ESYT2: variants seen among roughly 807,000 people sequenced by gnomAD.
ESYT2 encodes extended synaptotagmin 2.
Under a neutral mutation model 107.2 loss-of-function variants are expected in ESYT2, and 54 were observed. The observed-to-expected ratio is 0.50, with a 90% CI of 0.40 to 0.63. The LOEUF is 0.63. ESYT2 is among the 30% of genes least tolerant of loss of function. The pLI is 0.00. For missense variants in ESYT2, 1,020 were observed against 1,094.5 expected, an observed-to-expected ratio of 0.93 and a Z score of 0.96; for synonymous variants, 491 against 434.1, an observed-to-expected ratio of 1.13 and a Z score of -1.63.
intron 13 of ESYT2, among the ~76,000 whole-genome samples, chr7:158,755,818 GA>G (rs1837735095): frequency 6.6e-6 from 1 of 152,004 alleles, no homozygotes; most frequent in African/African-American, 2.4e-5. Flanking sequence ...TTCTTCCAAT[GA>G]GATCACTTGG....
At chr7:158,798,879 G>A (rs2129473568) in intron 2 of ESYT2, 152 bp downstream of exon 2, 2 of 651,908 alleles carry the variant, frequency 3.1e-6, no homozygotes, top group East Asian at 5.3e-5. Flanking sequence ...AAATGCATTT[G>A]TTGTGACTGA....
At chr7:158,741,996 A>C in intron 17 of ESYT2, 100 bp from the exon 18 acceptor site, 1 of 1,413,254 alleles carries the variant, frequency 7.1e-7, no homozygotes, top group South Asian at 1.5e-5. Context: ...AATTTCTTTA[A>C]AACTTAGCTC....
chr7:158,781,038 GA>G (rs1194208613), intron 6 of ESYT2, among the ~76,000 whole-genome samples: 1 of 152,242 alleles, frequency 6.6e-6, no homozygotes, highest in Non-Finnish European at 1.5e-5. Flanking sequence ...AAATAAGTGT[GA>G]GAATATGTGA....
intron 8 of ESYT2, among the ~76,000 whole-genome samples, chr7:158,766,055 G>C (rs1021588458): frequency 1.3e-5 from 2 of 152,068 alleles, no homozygotes; most frequent in African/African-American, 4.8e-5. Context: ...AAATTAGCCA[G>C]GTGTGGTGGC....
At chr7:158,765,764 C>A (rs576512113) in intron 8 of ESYT2, among the ~76,000 whole-genome samples, 33 of 151,790 alleles carry the variant, frequency 2.2e-4, no homozygotes, top group African/African-American at 6.3e-4. Flanking sequence ...AACAAAAAAA[C>A]CAAATATAGT....
Position 158,741,885 on chromosome 7 carries a change from G to C in ESYT2, c.1806C>G (p.Leu602=), listed in dbSNP as rs780677876. 2 of 1,603,652 alleles carry C rather than the reference G, an allele frequency of 1.2e-6. No individual in the cohort carries two copies. The highest frequency in any genetic ancestry group is 2.7e-5 in the African/African-American group (2 of 74,400). Residue 602 remains leucine, a synonymous_variant, in exon 18 of 23, where the codon CTC becomes CTG. Transcript: ENST00000275418. The part of the protein sequence containing the change: ...KMKIALRVLH[L]EKRERPPDHQ... ...GGTCTGGAGGCCTTTCTCGCTTTTC[G>C]AGATGGAGCACCTAGAGGTGGACAT...
intron 1 of ESYT2, among the ~76,000 whole-genome samples, chr7:158,809,811 C>G (rs1839944910): frequency 6.6e-6 from 1 of 152,176 alleles, no homozygotes. Context: ...GCCAGCTGTT[C>G]AAACCACATC....
intron 19 of ESYT2, among the ~76,000 whole-genome samples, chr7:158,737,865 A>G (rs935786476): frequency 5.3e-5 from 8 of 152,246 alleles, no homozygotes; most frequent in African/African-American, 1.9e-4. Flanking sequence ...AAAATTGCAT[A>G]AAAGGAAAAT....
At chr7:158,758,226 T>A (rs1012525192) in intron 13 of ESYT2, among the ~76,000 whole-genome samples, 1 of 152,234 alleles carries the variant, frequency 6.6e-6, no homozygotes, top group African/African-American at 2.4e-5. Context: ...ATATAAGTGA[T>A]CAATCATATC....
At position 158,737,015 on chromosome 7, in the gene ESYT2, G is replaced by A. The variant is rs777662766; in HGVS notation, c.2399+33C>T. 13 of 1,609,298 alleles carry A rather than the reference G, an allele frequency of 8.1e-6. No homozygotes were observed. In the African/African-American group the frequency reaches 1.3e-4, roughly 17 times the overall value. ...CTTCTTAATCCGTCACTTCAACCGG[G>A]CAGTCTATCCTCAGCTGGATAAAAT... On this transcript the variant is annotated intron_variant, in intron 20 of 22. Coordinates refer to ENST00000275418, the MANE Select transcript of ESYT2 (RefSeq NM_001367773.1).
intron 3 of ESYT2, among the ~76,000 whole-genome samples, chr7:158,796,869 G>GCACT (rs1162969339): frequency 2.6e-5 from 4 of 151,244 alleles, no homozygotes; most frequent in Admixed American, 1.3e-4. Context: ...ACAGGAAAGG[G>GCACT]CACTGCAGGC....
At chr7:158,785,637 T>C (rs1350946068) in intron 6 of ESYT2, among the ~76,000 whole-genome samples, 1 of 152,142 alleles carries the variant, frequency 6.6e-6, no homozygotes, top group Non-Finnish European at 1.5e-5. Context: ...CCTGACATGT[T>C]ACAGATGGGA....
intron 6 of ESYT2, among the ~76,000 whole-genome samples, chr7:158,782,803 CGTGT>C (rs1838958909): frequency 1.3e-5 from 2 of 151,854 alleles, no homozygotes; most frequent in Admixed American, 1.3e-4. Flanking sequence ...AGAATGAAAC[CGTGT>C]GAGAACAAGT....
rs1584864658 is a variant in ESYT2, at chr7:158,797,971, T to C, written c.478A>G (p.Ser160Gly). The stretch of plus-strand genomic sequence containing the variant: ...TGGCCCACGTCGACCTTCGTGAAAC[T>C]AAAGGTGCTAAGGTGGGTGTTTGCT... ...RGANTHLSTF[S>G]FTKVDVGQQP... Residue 160 changes from serine (S) to glycine (G), a missense_variant, in exon 3 of 23, where the codon AGT becomes GGT. Ser to Gly is a moderately conservative substitution (Grantham distance 56). Coordinates refer to ENST00000275418, the MANE Select transcript of ESYT2 (RefSeq NM_001367773.1). 1 of 1,613,896 alleles carries C rather than the reference T, an allele frequency of 6.2e-7. No homozygotes were observed. The highest frequency in any genetic ancestry group is 8.5e-7 in the Non-Finnish European group (1 of 1,179,928).
intron 7 of ESYT2, among the ~76,000 whole-genome samples, chr7:158,772,940 G>A (rs1350755273): frequency 6.7e-6 from 1 of 149,776 alleles, no homozygotes; most frequent in African/African-American, 2.5e-5. Flanking sequence ...ATAGGCTGGA[G>A]AGACCCTGGA....
At chr7:158,737,229 A>G (rs1836993541) in intron 19 of ESYT2, 50 bp from the exon 20 acceptor site, 1 of 1,585,704 alleles carries the variant, frequency 6.3e-7, no homozygotes, top group African/African-American at 1.4e-5. Flanking sequence ...AGAAAAAGAG[A>G]ATGAGCAGCA....
chr7:158,812,830 G>A (rs1840028292), intron 1 of ESYT2, among the ~76,000 whole-genome samples: 1 of 152,110 alleles, frequency 6.6e-6, no homozygotes, highest in African/African-American at 2.4e-5. Flanking sequence ...ACACATAAAA[G>A]ATCACACACA....
chr7:158,814,303 A>C (rs1471231665), intron 1 of ESYT2, among the ~76,000 whole-genome samples: 2 of 27,028 alleles, frequency 7.4e-5, no homozygotes, highest in East Asian at 5.1e-3. Flanking sequence ...ATATATATAT[A>C]TATATATATA....
In ESYT2 at chr7:158,814,017, T is replaced by C. The variant is rs551032442; in HGVS notation, c.331-14945A>G. ...AGGCCAGACGCGGTGGCTAACGCTG[T>C]GATCCCAGCACTTTGGGAGGCCGAG... On this transcript the variant is annotated intron_variant, in intron 1 of 22. Coordinates refer to ENST00000275418, the MANE Select transcript of ESYT2 (RefSeq NM_001367773.1). 3.3e-5 allele frequency among the ~76,000 whole-genome samples: 5 copies of C among 152,002 alleles called. No individual in the cohort carries two copies. In the South Asian group the frequency reaches 1.0e-3, roughly 32 times the overall value.
Sources: allele counts gnomAD v4.1 joint callset (sites outside exome capture counted in the v4.1 genomes callset), GRCh38; gene constraint gnomAD v4.1.1; transcripts MANE v1.5; gene names NCBI Gene and HGNC (gene_info 2026-07-23, HGNC 2026-07-21).